NAALADL2: variants seen among roughly 807,000 people sequenced by gnomAD.
NAALADL2 encodes N-acetylated alpha-linked acidic dipeptidase like 2, also known as inactive N-acetylated-alpha-linked acidic dipeptidase-like protein 2.
A neutral mutation model predicts 87.2 loss-of-function variants in NAALADL2; 76 were observed. That is an observed-to-expected ratio of 0.87 (90% confidence interval 0.72 to 1.05). The LOEUF (loss-of-function observed/expected upper bound fraction) is 1.05, where lower values mean the gene tolerates loss of function less well. NAALADL2 is among the 50% of genes least tolerant of loss of function. The pLI is 0.00. For synonymous variants in NAALADL2, 354 were observed against 331.0 expected (o/e 1.07, Z -0.75); for missense variants, 1,089 against 945.8 (o/e 1.15, Z -1.99).
intron 8 of NAALADL2, among the ~76,000 whole-genome samples, chr3:175,469,092 A>T (rs954419964): frequency 3.9e-5 from 6 of 152,056 alleles, no homozygotes; most frequent in African/African-American, 7.2e-5. Context: ...TTAGCAAGTG[A>T]TTATACATTC....
Position 175,004,113 on chromosome 3 carries a change from T to A in NAALADL2, c.44-92677T>A, listed in dbSNP as rs568429494. Among the ~76,000 whole-genome samples the A allele has an allele frequency of 3.3e-5, 5 of 152,250 alleles. No homozygotes were observed. In the South Asian group the frequency reaches 1.0e-3, roughly 32 times the overall value. On this transcript the variant is annotated intron_variant, in intron 1 of 13. Transcript: ENST00000454872. ...AGCATTGGCCAGGAATGGTAGCTAA[T>A]GCCTGTAATCCCAGCACTGGGAGGC...
intron 1 of NAALADL2, among the ~76,000 whole-genome samples, chr3:175,014,036 A>T (rs954634475): frequency 9.9e-5 from 15 of 152,150 alleles, no homozygotes; most frequent in Admixed American, 9.2e-4. Context: ...GTCATTTGCC[A>T]GGGGTGCTAT....
Position 175,404,388 on chromosome 3 carries a change from A to G in NAALADL2, c.1091-42841A>G, listed in dbSNP as rs1012654833. 2.6e-4 allele frequency among the ~76,000 whole-genome samples: 40 copies of G among 152,112 alleles called. 1 individual carries two copies. The highest frequency in any genetic ancestry group is 9.2e-4 in the African/African-American group (38 of 41,440). ...AATTTGCTAATGAAAGTGCCCTATA[A>G]TCACCAAATAACTGTTACCCATCTG... On this transcript the variant is annotated intron_variant, in intron 5 of 13. Transcript: ENST00000454872.
chr3:174,736,031 C>T (rs1054849518), intron 2 of NAALADL2, among the ~76,000 whole-genome samples: 1 of 152,088 alleles, frequency 6.6e-6, no homozygotes, highest in African/African-American at 2.4e-5. Context: ...GGTGCTGGCT[C>T]CCTGTGAGGC....
intron 6 of NAALADL2, among the ~76,000 whole-genome samples, chr3:175,449,227 T>C (rs957793855): frequency 6.6e-6 from 1 of 151,968 alleles, no homozygotes; most frequent in Non-Finnish European, 1.5e-5. Context: ...TACAGGCACA[T>C]GACACTACAC....
intron 11 of NAALADL2, among the ~76,000 whole-genome samples, chr3:175,727,454 G>A (rs972255756): frequency 1.3e-5 from 2 of 152,126 alleles, no homozygotes; most frequent in East Asian, 3.9e-4. Flanking sequence ...CTAAAAAATG[G>A]CCATGTGTTT....
At chr3:175,076,516 G>A (rs1387519680) in intron 1 of NAALADL2, among the ~76,000 whole-genome samples, 2 of 152,014 alleles carry the variant, frequency 1.3e-5, no homozygotes, top group African/African-American at 4.8e-5. Flanking sequence ...AAGAAAAGGG[G>A]AAGTTCATTG....
chr3:175,595,336 A>G (rs1236635065), intron 10 of NAALADL2, among the ~76,000 whole-genome samples: 6 of 151,916 alleles, frequency 3.9e-5, no homozygotes. Context: ...TGAGTTTTCT[A>G]TTCTGTTCCA....
chr3:174,615,150 G>T (rs1720331290), intron 2 of NAALADL2, among the ~76,000 whole-genome samples: 1 of 152,134 alleles, frequency 6.6e-6, no homozygotes, highest in Non-Finnish European at 1.5e-5. Context: ...ATTAGAAAGT[G>T]GACTCAGAAA....
intron 4 of NAALADL2, among the ~76,000 whole-genome samples, chr3:175,284,034 A>G (rs896131417): frequency 6.6e-6 from 1 of 152,120 alleles, no homozygotes; most frequent in African/African-American, 2.4e-5. Context: ...CCCATTATCA[A>G]AAAACTCGTG....
At chr3:174,993,213 A>C (rs938539455) in intron 1 of NAALADL2, among the ~76,000 whole-genome samples, 1 of 152,148 alleles carries the variant, frequency 6.6e-6, no homozygotes, top group Non-Finnish European at 1.5e-5. Context: ...GTAGAAAAGA[A>C]ACAATAAGTA....
intron 1 of NAALADL2, among the ~76,000 whole-genome samples, chr3:174,949,017 AG>A (rs1250255611): frequency 3.9e-5 from 6 of 152,162 alleles, no homozygotes; most frequent in African/African-American, 1.4e-4. Context: ...CTCACATGGC[AG>A]AAGAGAAAGG....
intron 1 of NAALADL2, among the ~76,000 whole-genome samples, chr3:174,453,538 A>AG (rs1180453894): frequency 6.6e-6 from 1 of 152,228 alleles, no homozygotes; most frequent in African/African-American, 2.4e-5. Context: ...GGTCACCCAA[A>AG]GGGAAGCCCA....
chr3:174,870,778 A>G (rs1020829799), intron 1 of NAALADL2, among the ~76,000 whole-genome samples: 1 of 152,186 alleles, frequency 6.6e-6, no homozygotes, highest in South Asian at 2.1e-4. Context: ...ATTTATGTCC[A>G]TATGCAAAAA....
intron 1 of NAALADL2, among the ~76,000 whole-genome samples, chr3:174,962,704 A>C (rs992791188): frequency 3.3e-5 from 5 of 151,952 alleles, no homozygotes. Flanking sequence ...CTCGATTATG[A>C]GGGACTTGAT....
chr3:174,928,360 C>T (rs540177051), intron 1 of NAALADL2, among the ~76,000 whole-genome samples: 1 of 152,232 alleles, frequency 6.6e-6, no homozygotes, highest in South Asian at 2.1e-4. Context: ...CTGCCTCATC[C>T]TCTCGAGTAC....
chr3:174,595,687 A>G (rs543524035), intron 2 of NAALADL2, among the ~76,000 whole-genome samples: 2 of 152,170 alleles, frequency 1.3e-5, no homozygotes, highest in Non-Finnish European at 2.9e-5. Context: ...TTGGCCTAAT[A>G]CATGGCCAAG....
chr3:174,846,480 T>TA (rs1180041283), intron 3 of NAALADL2, among the ~76,000 whole-genome samples: 3 of 152,214 alleles, frequency 2.0e-5, no homozygotes, highest in Admixed American at 6.5e-5. Context: ...TCAATTTTCT[T>TA]AAAATTTTGT....
intron 2 of NAALADL2, among the ~76,000 whole-genome samples, chr3:175,206,691 C>T (rs945878749): frequency 3.3e-5 from 5 of 151,910 alleles, no homozygotes; most frequent in Admixed American, 2.0e-4. Flanking sequence ...CCACCTGTAC[C>T]CCAATAACTT....
Sources: gnomAD v4.1 joint callset for allele counts (sites outside exome capture counted in the v4.1 genomes callset) on GRCh38, gnomAD v4.1.1 for gene constraint, MANE v1.5 for transcripts, NCBI Gene and HGNC (gene_info 2026-07-23, HGNC 2026-07-21) for gene names.